Variants in SCIN observed in about 807,000 individuals in gnomAD.
SCIN encodes the protein adseverin.
SCIN carries 91 observed loss-of-function variants against 91.8 expected under a neutral mutation model. The observed-to-expected ratio is 0.99, with a 90% CI of 0.84 to 1.18. SCIN has a LOEUF of 1.18. SCIN is among the 50% of genes most tolerant of loss of function. The pLI, the probability that SCIN is intolerant of heterozygous loss-of-function variation, is 0.00. For missense variants in SCIN, 1,087 were observed against 863.9 expected (o/e 1.26, Z -3.24); for synonymous variants, 367 against 312.6 (o/e 1.17, Z -1.84).
rs1213955417 is a variant in SCIN, at chr7:12,658,440, T to C, written c.*5725T>C. On this transcript the variant is annotated 3_prime_UTR_variant, in exon 16 of 16. Transcript: ENST00000297029. ...CTATGTAGGTGAAAATCTCTCCTAA[T>C]GCATTCCCTTTCCAACGAACCTGAG... 6.6e-6 allele frequency: 1 copy of C among 152,212 alleles called. No individual in the cohort carries two copies. The highest frequency in any genetic ancestry group is 1.5e-5 in the Non-Finnish European group (1 of 68,032). The allele number at this position is 152,212 out of a possible 1,614,324, so 9.4% of individuals were successfully genotyped here. A position where few individuals can be genotyped will look rare whatever the true frequency, so the allele number is the denominator to read the frequency against.
intron 3 of SCIN, among the ~76,000 whole-genome samples, chr7:12,597,191 T>TA (rs1259787038): frequency 6.6e-6 from 1 of 152,180 alleles, no homozygotes; most frequent in Admixed American, 6.5e-5. Flanking sequence ...ACTTTTAAAA[T>TA]AAAAAAGGTT....
chr7:12,586,903 T>C lies in SCIN; in HGVS notation c.516+5682T>C, dbSNP rs984760340. 3.9e-5 allele frequency among the ~76,000 whole-genome samples: 6 copies of C among 152,018 alleles called. No individual in the cohort carries two copies. In the East Asian group the frequency reaches 9.7e-4, roughly 24 times the overall value. ...GAGCTCATAGATCTAGAGAGTAGAA[T>C]TGTGGTTATGAGAGATTGGGAAGGG... is the stretch of plus-strand genomic sequence containing the variant. On this transcript the variant is annotated intron_variant, in intron 3 of 15. Coordinates refer to ENST00000297029, the MANE Select transcript of SCIN (RefSeq NM_001112706.3).
At chr7:12,613,299 G>A (rs945984273) in intron 4 of SCIN, among the ~76,000 whole-genome samples, 1 of 152,034 alleles carries the variant, frequency 6.6e-6, no homozygotes, top group African/African-American at 2.4e-5. Context: ...ATATAAAAGG[G>A]CCAGGTCTCT....
chr7:12,604,965 C>A (rs748322962), intron 4 of SCIN, among the ~76,000 whole-genome samples: 1 of 152,058 alleles, frequency 6.6e-6, no homozygotes, highest in South Asian at 2.1e-4. Flanking sequence ...TGAAATTGAC[C>A]GTAAGAATGT....
rs1562642416 is a variant in SCIN, at chr7:12,657,565, T to TAC, written c.*4851_*4852insCA. The TAC allele has an allele frequency of 2.9e-4, 7 of 24,028 alleles. No homozygotes were observed. Among genetic ancestry groups the TAC allele is most frequent in the African/African-American group, 1.0e-3 (7 of 6,742 alleles). The allele number at this position is 24,028 out of a possible 1,614,324, so 1.5% of individuals were successfully genotyped here. A position where few individuals can be genotyped will look rare whatever the true frequency, so the allele number is the denominator to read the frequency against. On this transcript the variant is annotated 3_prime_UTR_variant, in exon 16 of 16. Transcript: ENST00000297029. The stretch of plus-strand genomic sequence containing the variant: ...ATATATATATATATATATATATATA[T>TAC]ATATATATTTTTTTTTTTTTTTTTT...
chr7:12,622,892 T>A lies in SCIN; in HGVS notation c.758T>A (p.Met253Lys). 1 of 1,607,832 alleles carries A rather than the reference T, an allele frequency of 6.2e-7. No individual in the cohort carries two copies. Among genetic ancestry groups the A allele is most frequent in the South Asian group, 1.1e-5 (1 of 90,824 alleles). Residue 253 changes from methionine to lysine, a missense_variant and splice_region_variant, in exon 5 of 16, where the codon ATG (methionine) becomes AAG (lysine). Physicochemically the swap from Met to Lys is moderately conservative, Grantham distance 95. Transcript: ENST00000297029. ...AACAGGAAAATGGCTAAACTATACA[T>A]GGTGAGTTCACTGTAACCAAATTTA... ...ISNRKMAKLYMVSDASGSMRV... is the reference protein window; with the variant it reads ...ISNRKMAKLYKVSDASGSMRV...
chr7:12,596,083 C>T (rs1410500787), intron 3 of SCIN, among the ~76,000 whole-genome samples: 1 of 152,178 alleles, frequency 6.6e-6, no homozygotes, highest in Non-Finnish European at 1.5e-5. Context: ...GAGACCCAAG[C>T]AGGTACCAAG....
chr7:12,583,213 G>A (rs1782524225), intron 3 of SCIN, among the ~76,000 whole-genome samples: 1 of 151,772 alleles, frequency 6.6e-6, no homozygotes, highest in Non-Finnish European at 1.5e-5. Context: ...CTAACTATCT[G>A]CTATGATATT....
At chr7:12,596,345 C>T (rs757387499) in intron 3 of SCIN, 26 of 456,066 alleles carry the variant, frequency 5.7e-5, no homozygotes, top group African/African-American at 2.0e-4. Context: ...TTCTCCCTGA[C>T]GTCTGCGTTT....
intron 1 of SCIN, among the ~76,000 whole-genome samples, chr7:12,572,669 C>T (rs1004913383): frequency 6.6e-6 from 1 of 152,128 alleles, no homozygotes; most frequent in African/African-American, 2.4e-5. Flanking sequence ...TACAGATTCA[C>T]CTTATTCACT....
chr7:12,646,194 A>G (rs1489281698), intron 13 of SCIN, among the ~76,000 whole-genome samples: 1 of 152,222 alleles, frequency 6.6e-6, no homozygotes, highest in Non-Finnish European at 1.5e-5. Context: ...ATGTGTATGC[A>G]TGTCTTAGTT....
chr7:12,571,758 G>T (rs80238202), intron 1 of SCIN: 6,647 of 235,106 alleles, frequency 0.028, 492 homozygotes, highest in African/African-American at 0.15. Context: ...AACAGAAACG[G>T]CTCCTTCAGC....
chr7:12,632,575 G>A (rs1401595170), intron 9 of SCIN, among the ~76,000 whole-genome samples: 2 of 152,168 alleles, frequency 1.3e-5, no homozygotes, highest in African/African-American at 4.8e-5. Flanking sequence ...TGACAACAGG[G>A]AAGGAAAGAA....
At position 12,609,180 on chromosome 7, in the gene SCIN, T is replaced by C. The variant is rs544599672; in HGVS notation, c.666+4517T>C. ...AGGACACAACCATCATTAACAAGAC[T>C]GTCTGGGGAAACAGGATGTGTGCTC... On this transcript the variant is annotated intron_variant, in intron 4 of 15. Coordinates refer to ENST00000297029, the MANE Select transcript of SCIN (RefSeq NM_001112706.3). Among the ~76,000 whole-genome samples, 5 of 152,306 alleles carry C rather than the reference T, an allele frequency of 3.3e-5. No homozygotes were observed. In the South Asian group the frequency reaches 6.2e-4, roughly 19 times the overall value.
Position 12,626,735 on chromosome 7 carries a change from TAC to T in SCIN, c.1137_1138del (p.His379GlnfsTer14), listed in dbSNP as rs761621210. 48 of 1,609,754 alleles carry T rather than the reference TAC, an allele frequency of 3.0e-5. No homozygotes were observed. The Middle Eastern group carries it at 6.6e-4, about 22-fold the overall frequency. On this transcript the variant is annotated frameshift_variant, in exon 8 of 16. Coordinates refer to ENST00000297029, the MANE Select transcript of SCIN (RefSeq NM_001112706.3). LOFTEE classifies it high-confidence loss of function. ...CAAATTCCCTTTGATGCCTCAAAAT[TAC>T]ACAGTTCTCCGCAGATGGCAGCCCA...
At chr7:12,576,366 TTG>T (rs1491441520) in intron 1 of SCIN, among the ~76,000 whole-genome samples, 87 of 117,266 alleles carry the variant, frequency 7.4e-4, no homozygotes, top group African/African-American at 2.4e-3. Context: ...TTGTTTTTTT[TTG>T]TTGTTGTTGT....
chr7:12,603,294 G>C (rs558205065), intron 3 of SCIN, among the ~76,000 whole-genome samples: 1 of 151,896 alleles, frequency 6.6e-6, no homozygotes, highest in South Asian at 2.1e-4. Context: ...ACAGGTGCCC[G>C]CCACTACACC....
intron 3 of SCIN, among the ~76,000 whole-genome samples, chr7:12,598,857 A>G (rs1238467931): frequency 1.3e-5 from 2 of 152,222 alleles, no homozygotes; most frequent in Non-Finnish European, 2.9e-5. Context: ...GCAGCGAGCC[A>G]AGACTGCATC....
At chr7:12,595,339 T>C (rs1456714526) in intron 3 of SCIN, among the ~76,000 whole-genome samples, 1 of 152,136 alleles carries the variant, frequency 6.6e-6, no homozygotes, top group Non-Finnish European at 1.5e-5. Context: ...AACTTAGGTT[T>C]ATCCACGTTT....
Sources: allele counts gnomAD v4.1 joint callset (sites outside exome capture counted in the v4.1 genomes callset), GRCh38; gene constraint gnomAD v4.1.1; transcripts MANE v1.5; gene names NCBI Gene and HGNC (gene_info 2026-07-23, HGNC 2026-07-21).